MICU1: variants seen among roughly 807,000 people sequenced by gnomAD.
The protein encoded by MICU1 is calcium uptake protein 1, mitochondrial.
Under a neutral mutation model 56.8 loss-of-function variants are expected in MICU1, and 45 were observed. The ratio of observed to expected loss-of-function variants is 0.79; its 90% CI spans 0.62 to 1.02. The LOEUF (loss-of-function observed/expected upper bound fraction) is 1.02, where lower values mean the gene tolerates loss of function less well. MICU1 is among the 50% of genes least tolerant of loss of function. The probability of loss-of-function intolerance (pLI) is 0.00; values close to 1 mark genes in which losing one functional copy is unlikely to be tolerated. For synonymous variants in MICU1, 186 were observed against 195.1 expected (o/e 0.95, Z 0.39); for missense variants, 504 against 587.1 (o/e 0.86, Z 1.46).
At chr10:72,587,711 G>A (rs1399915601) in intron 1 of MICU1, among the ~76,000 whole-genome samples, 1 of 152,054 alleles carries the variant, frequency 6.6e-6, no homozygotes, top group African/African-American at 2.4e-5. Flanking sequence ...TTGAGCCTGG[G>A]AGGCGGAGGT....
chr10:72,499,362 G>C (rs769399915), intron 6 of MICU1, among the ~76,000 whole-genome samples: 22 of 152,056 alleles, frequency 1.4e-4, no homozygotes, highest in African/African-American at 2.2e-4. Flanking sequence ...TAAATAACTT[G>C]ATATATTTCA....
chr10:72,479,430 A>G (rs1441524649), intron 6 of MICU1, among the ~76,000 whole-genome samples: 1 of 152,228 alleles, frequency 6.6e-6, no homozygotes, highest in African/African-American at 2.4e-5. Context: ...GAGATAACCA[A>G]TATCACAGAA....
chr10:72,587,812 T>C (rs987184277), intron 1 of MICU1, among the ~76,000 whole-genome samples: 2 of 151,898 alleles, frequency 1.3e-5, no homozygotes, highest in South Asian at 2.1e-4. Context: ...AACAAATAAA[T>C]AAATAAATAA....
At chr10:72,441,611 T>TTTTC (rs1239846122) in intron 8 of MICU1, among the ~76,000 whole-genome samples, 12 of 115,824 alleles carry the variant, frequency 1.0e-4, no homozygotes, top group Non-Finnish European at 2.2e-4. Context: ...TATTTTTAAT[T>TTTTC]TTTCTTTTTT....
At chr10:72,521,480 T>C (rs1392114766) in intron 5 of MICU1, among the ~76,000 whole-genome samples, 1 of 152,112 alleles carries the variant, frequency 6.6e-6, no homozygotes, top group African/African-American at 2.4e-5. Context: ...GCATCTCATT[T>C]GATTTATTCT....
chr10:72,447,554 A>G (rs113379916), intron 8 of MICU1, among the ~76,000 whole-genome samples: 1 of 152,338 alleles, frequency 6.6e-6, no homozygotes, highest in African/African-American at 2.4e-5. Flanking sequence ...TTATATGTTA[A>G]ACTGCTAGTT....
At chr10:72,457,482 A>C (rs775242681) in intron 8 of MICU1, among the ~76,000 whole-genome samples, 1 of 151,402 alleles carries the variant, frequency 6.6e-6, no homozygotes, top group Admixed American at 6.6e-5. Context: ...CTGGCCTCCC[A>C]AAGTGCTGGG....
In MICU1 at chr10:72,518,634, T is replaced by C. The variant is rs187597633; in HGVS notation, c.538-10365A>G. ...TCTTCAAGTTCCTGAGGTAAGACTC[T>C]ACCAATCCTTCAGTATACATGCTGA... On this transcript the variant is annotated intron_variant, in intron 5 of 11. Coordinates refer to ENST00000361114, the MANE Select transcript of MICU1 (RefSeq NM_001195518.2). Among the ~76,000 whole-genome samples, 9 of 152,328 alleles carry C rather than the reference T, an allele frequency of 5.9e-5. No individual in the cohort carries two copies. In the East Asian group the frequency reaches 1.5e-3, roughly 26 times the overall value.
chr10:72,434,698 T>C lies in MICU1; in HGVS notation c.934-11327A>G, dbSNP rs1589216199. Among the ~76,000 whole-genome samples, 3 of 152,330 alleles carry C rather than the reference T, an allele frequency of 2.0e-5. No homozygotes were observed. The South Asian group carries it at 6.2e-4, about 32-fold the overall frequency. ...GGAGTTAAGAACCAAGGACTAATTG[T>C]AGTAGAAAAGCAAACTGCTATTTTC... is the stretch of plus-strand genomic sequence containing the variant. On this transcript the variant is annotated intron_variant, in intron 8 of 11. Transcript: ENST00000361114.
chr10:72,370,097 T>TG (rs1862282092), intron 11 of MICU1, among the ~76,000 whole-genome samples: 1 of 152,162 alleles, frequency 6.6e-6, no homozygotes, highest in South Asian at 2.1e-4. Context: ...CAGGATGGTC[T>TG]CAATCTCCTG....
chr10:72,565,942 C>G (rs1287849283), intron 2 of MICU1, among the ~76,000 whole-genome samples: 1 of 151,472 alleles, frequency 6.6e-6, no homozygotes, highest in African/African-American at 2.4e-5. Flanking sequence ...GTTTCCATAA[C>G]TAGTGAAAAA....
chr10:72,493,147 C>T (rs1439959666), intron 6 of MICU1, among the ~76,000 whole-genome samples: 1 of 152,110 alleles, frequency 6.6e-6, no homozygotes, highest in Admixed American at 6.5e-5. Flanking sequence ...ATTAGCAAAA[C>T]TCCATTTCAA....
intron 6 of MICU1, among the ~76,000 whole-genome samples, chr10:72,480,573 C>T (rs181784368): frequency 2.0e-5 from 3 of 152,104 alleles, no homozygotes; most frequent in East Asian, 3.9e-4. Context: ...TAAAGTGCAA[C>T]GAAAAGGAAA....
At chr10:72,467,261 G>A (rs1425655434) in intron 8 of MICU1, among the ~76,000 whole-genome samples, 1 of 152,098 alleles carries the variant, frequency 6.6e-6, no homozygotes, top group Non-Finnish European at 1.5e-5. Flanking sequence ...TTGGCTCACT[G>A]CAACTTCCGC....
chr10:72,512,717 T>TGTTTTG (rs893439152), intron 5 of MICU1, among the ~76,000 whole-genome samples: 1 of 151,736 alleles, frequency 6.6e-6, no homozygotes, highest in African/African-American at 2.4e-5. Context: ...TGTTTTGTTT[T>TGTTTTG]GAGACAGTGT....
intron 2 of MICU1, among the ~76,000 whole-genome samples, chr10:72,563,785 T>C (rs1322328243): frequency 6.6e-6 from 1 of 152,124 alleles, no homozygotes; most frequent in Non-Finnish European, 1.5e-5. Context: ...AAAAACTAAA[T>C]GTACTAGACT....
chr10:72,571,930 T>C (rs1412925646), intron 1 of MICU1, among the ~76,000 whole-genome samples: 1 of 151,644 alleles, frequency 6.6e-6, no homozygotes, highest in African/African-American at 2.4e-5. Flanking sequence ...CAAACACATA[T>C]TAATATCTAA....
intron 8 of MICU1, among the ~76,000 whole-genome samples, chr10:72,432,930 T>C: frequency 6.6e-6 from 1 of 152,194 alleles, no homozygotes; most frequent in East Asian, 1.9e-4. Flanking sequence ...TGTAGGCAAA[T>C]GCGTGGATCT....
At position 72,580,462 on chromosome 10, in the gene MICU1, T is replaced by A. The variant is rs1254231486; in HGVS notation, c.-1-13668A>T. Reference sequence around the variant, plus strand: ...AAGCTTTTGCTGATTTATTTATTTATTTAATTAATTAATTTATTTATTTAT... The same window carrying A: ...AAGCTTTTGCTGATTTATTTATTTAATTAATTAATTAATTTATTTATTTAT... On this transcript the variant is annotated intron_variant, in intron 1 of 11. Transcript: ENST00000361114. Among the ~76,000 whole-genome samples, 5 of 126,704 alleles carry A rather than the reference T, an allele frequency of 3.9e-5. No homozygotes were observed. In the East Asian group the frequency reaches 7.7e-4, roughly 20 times the overall value. The allele number at this position is 126,704 out of a possible 152,430, so 83.1% of individuals were successfully genotyped here.
Sources: gnomAD v4.1 joint callset for allele counts (sites outside exome capture counted in the v4.1 genomes callset) on GRCh38, gnomAD v4.1.1 for gene constraint, MANE v1.5 for transcripts, NCBI Gene and HGNC (gene_info 2026-07-23, HGNC 2026-07-21) for gene names.